Variants in MACROD2 observed in about 807,000 individuals in gnomAD.
MACROD2 encodes the protein mono-ADP ribosylhydrolase 2.
A neutral mutation model predicts 70.4 loss-of-function variants in MACROD2; 36 were observed. The ratio of observed to expected loss-of-function variants is 0.51; its 90% CI spans 0.39 to 0.68. MACROD2 has a LOEUF of 0.68. Ranked by LOEUF, MACROD2 falls within the 30% of genes least tolerant of loss-of-function variation. MACROD2 has a pLI of 0.00. For synonymous variants in MACROD2, 172 were observed against 178.8 expected (o/e 0.96, Z 0.30); for missense variants, 496 against 538.4 (o/e 0.92, Z 0.78).
chr20:15,068,731 C>G (rs367849), intron 5 of MACROD2, among the ~76,000 whole-genome samples: 26,770 of 152,136 alleles, frequency 0.18, 2,830 homozygotes, highest in Non-Finnish European at 0.24. Context: ...GCAGAACTGT[C>G]AGCCAAATAC....
At chr20:15,330,409 G>T (rs937645716) in intron 6 of MACROD2, among the ~76,000 whole-genome samples, 4 of 149,160 alleles carry the variant, frequency 2.7e-5, no homozygotes, top group African/African-American at 1.0e-4. Context: ...TGCCTTCAGA[G>T]CATCCGTCCA....
chr20:14,544,851 A>T (rs1600367533), intron 4 of MACROD2, among the ~76,000 whole-genome samples: 1 of 152,240 alleles, frequency 6.6e-6, no homozygotes, highest in African/African-American at 2.4e-5. Flanking sequence ...GTTGAGGGCT[A>T]CTCTGTGGGG....
intron 13 of MACROD2, among the ~76,000 whole-genome samples, chr20:15,970,723 G>A (rs1369605923): frequency 6.6e-6 from 1 of 152,196 alleles, no homozygotes; most frequent in Non-Finnish European, 1.5e-5. Flanking sequence ...GAGGTCTACA[G>A]AAGGAACTCC....
chr20:15,791,937 A>G (rs41416045), intron 8 of MACROD2, among the ~76,000 whole-genome samples: 1 of 101,518 alleles, frequency 9.9e-6, no homozygotes, highest in Non-Finnish European at 2.3e-5. Flanking sequence ...AAAGTTCATC[A>G]TGAAAAATAA....
At chr20:15,882,201 A>G (rs559835534) in intron 9 of MACROD2, among the ~76,000 whole-genome samples, 1 of 152,160 alleles carries the variant, frequency 6.6e-6, no homozygotes, top group African/African-American at 2.4e-5. Flanking sequence ...TTTAACATGC[A>G]TAAGCATGGG....
rs192061884 is a variant in MACROD2, at chr20:15,344,120, A to G, written c.541-87285A>G. On this transcript the variant is annotated intron_variant, in intron 6 of 17. Transcript: ENST00000684519. ...ATCCAGATGATAGTAAAAATTCCCT[A>G]TTTTACATTCCAGATGCAGATCCAG... Among the ~76,000 whole-genome samples the G allele has an allele frequency of 6.6e-5, 10 of 152,286 alleles. No homozygotes were observed. The East Asian group carries it at 1.2e-3, about 18-fold the overall frequency.
chr20:15,915,153 A>T (rs767727939), intron 10 of MACROD2, among the ~76,000 whole-genome samples: 2 of 152,100 alleles, frequency 1.3e-5, no homozygotes, highest in Non-Finnish European at 2.9e-5. Flanking sequence ...TGATTGATGA[A>T]ATCATTGGCC....
intron 2 of MACROD2, among the ~76,000 whole-genome samples, chr20:14,046,565 G>T (rs1481221614): frequency 6.6e-6 from 1 of 151,994 alleles, no homozygotes; most frequent in Non-Finnish European, 1.5e-5. Flanking sequence ...TCTTAGCATT[G>T]TTTATTGATC....
At chr20:15,345,861 T>C (rs1471719849) in intron 6 of MACROD2, among the ~76,000 whole-genome samples, 1 of 152,182 alleles carries the variant, frequency 6.6e-6, no homozygotes, top group African/African-American at 2.4e-5. Context: ...TCTGGTTGTT[T>C]AGGCATCCAG....
chr20:14,533,475 T>A (rs1312825370), intron 4 of MACROD2, among the ~76,000 whole-genome samples: 7 of 152,186 alleles, frequency 4.6e-5, no homozygotes, highest in African/African-American at 1.7e-4. Flanking sequence ...TCAAAAATGT[T>A]TAGGAAAATA....
intron 4 of MACROD2, among the ~76,000 whole-genome samples, chr20:14,524,031 T>A (rs1008563466): frequency 6.6e-6 from 1 of 152,226 alleles, no homozygotes; most frequent in East Asian, 1.9e-4. Context: ...TAAAATGTCC[T>A]CAGTCCTTTA....
chr20:15,581,967 C>A (rs911009914), intron 8 of MACROD2, among the ~76,000 whole-genome samples: 2 of 152,094 alleles, frequency 1.3e-5, no homozygotes, highest in Admixed American at 1.3e-4. Flanking sequence ...ACTAAAAACA[C>A]AAAAATTACC....
chr20:14,981,438 A>ATG (rs1288483424), intron 5 of MACROD2, among the ~76,000 whole-genome samples: 5 of 59,074 alleles, frequency 8.5e-5, no homozygotes, highest in Non-Finnish European at 1.7e-4. Context: ...ATATGTATAT[A>ATG]TATATATATA....
chr20:15,000,525 A>T lies in MACROD2; in HGVS notation c.419-229415A>T, dbSNP rs945352532. ...GTAGTCCCAGCTACTGGGGAGGCTGAGGCAGGAGAATGGCGTGAACCCGGG... is the reference window on the plus strand; with the variant it reads ...GTAGTCCCAGCTACTGGGGAGGCTGTGGCAGGAGAATGGCGTGAACCCGGG... On this transcript the variant is annotated intron_variant, in intron 5 of 17. Transcript: ENST00000684519. 1.4e-4 allele frequency among the ~76,000 whole-genome samples: 19 copies of T among 140,396 alleles called. 1 individual carries two copies. Among genetic ancestry groups the T allele is most frequent in the Middle Eastern group, 7.1e-3 (2 of 280 alleles). The allele number at this position is 140,396 out of a possible 152,430, so 92.1% of individuals were successfully genotyped here.
intron 4 of MACROD2, among the ~76,000 whole-genome samples, chr20:14,498,136 G>A (rs2084874819): frequency 1.3e-5 from 2 of 151,864 alleles, no homozygotes; most frequent in South Asian, 2.1e-4. Flanking sequence ...TTCATACAAT[G>A]AGGCTGTTTG....
At chr20:14,073,913 C>G (rs1170280452) in intron 2 of MACROD2, among the ~76,000 whole-genome samples, 2 of 152,160 alleles carry the variant, frequency 1.3e-5, no homozygotes, top group African/African-American at 4.8e-5. Context: ...TCCCTCTGGA[C>G]AAGCCCTTTT....
chr20:14,553,803 G>A (rs1978833735), intron 4 of MACROD2, among the ~76,000 whole-genome samples: 1 of 152,172 alleles, frequency 6.6e-6, no homozygotes, highest in Non-Finnish European at 1.5e-5. Flanking sequence ...GGTCTTACAT[G>A]AGGTAGGACC....
intron 3 of MACROD2, among the ~76,000 whole-genome samples, chr20:14,284,790 G>C (rs2122420000): frequency 6.6e-6 from 1 of 152,236 alleles, no homozygotes; most frequent in Non-Finnish European, 1.5e-5. Context: ...TAGATGGTTT[G>C]TTTCTCTGTT....
chr20:14,190,358 A>G (rs985168537), intron 3 of MACROD2, among the ~76,000 whole-genome samples: 5 of 152,098 alleles, frequency 3.3e-5, no homozygotes, highest in African/African-American at 1.2e-4. Flanking sequence ...ATTTTTGAAG[A>G]TACAGTATTT....
Sources: allele counts gnomAD v4.1 joint callset (sites outside exome capture counted in the v4.1 genomes callset), GRCh38; gene constraint gnomAD v4.1.1; transcripts MANE v1.5; gene names NCBI Gene and HGNC (gene_info 2026-07-23, HGNC 2026-07-21).